Variants in SULT4A1 observed in about 807,000 individuals in gnomAD.
The protein encoded by SULT4A1 is sulfotransferase 4A1.
In SULT4A1, 11 loss-of-function variants were observed where a neutral mutation model predicts 35.2. The ratio of observed to expected loss-of-function variants is 0.31; its 90% CI spans 0.20 to 0.52. SULT4A1 has a LOEUF of 0.52. SULT4A1 is among the 20% of genes least tolerant of loss of function. SULT4A1 has a pLI of 0.97. For synonymous variants in SULT4A1, 152 were observed against 151.8 expected (o/e 1.00, Z -0.01); for missense variants, 271 against 383.7 (o/e 0.71, Z 2.45).
chr22:43,840,104 C>A, intron 2 of SULT4A1, 79 bp from the exon 3 acceptor site: 1 of 1,095,104 alleles, frequency 9.1e-7, no homozygotes, highest in Non-Finnish European at 1.3e-6. Flanking sequence ...GGGAAGGGGG[C>A]CAGAGGAGGA....
intron 6 of SULT4A1, chr22:43,827,576 A>G (rs767511321): frequency 1.7e-5 from 23 of 1,366,214 alleles, no homozygotes; most frequent in Non-Finnish European, 2.2e-5. Context: ...TAAGCAATGC[A>G]GCTGGCTACT....
At chr22:43,858,209 C>T (rs537430790) in intron 1 of SULT4A1, among the ~76,000 whole-genome samples, 15 of 152,012 alleles carry the variant, frequency 9.9e-5, no homozygotes, top group Non-Finnish European at 1.6e-4. Flanking sequence ...AATCCCAGGA[C>T]TTTGGGAGGC....
In SULT4A1 at chr22:43,839,363, G is replaced by A. The variant is rs1426871043; in HGVS notation, c.382-370C>T. Among the ~76,000 whole-genome samples, 6 of 152,346 alleles carry A rather than the reference G, an allele frequency of 3.9e-5. No homozygotes were observed. The East Asian group carries it at 1.2e-3, about 29-fold the overall frequency. ...AATCCCAGCACTTTGGGAGGCCGAG[G>A]TGGGTAGATCACCTGAGGTCAGTAG... On this transcript the variant is annotated intron_variant, in intron 3 of 6. Coordinates refer to ENST00000330884, the MANE Select transcript of SULT4A1 (RefSeq NM_014351.4).
chr22:43,861,948 T>C (rs1040245589), intron 1 of SULT4A1, among the ~76,000 whole-genome samples: 5 of 152,104 alleles, frequency 3.3e-5, no homozygotes, highest in Non-Finnish European at 4.4e-5. Context: ...GCCGGCCAAA[T>C]AGGCTCCATC....
rs142321645 is a variant in SULT4A1 at position 43,826,100 on chromosome 22, C to G, written c.756G>C (p.Leu252=). 2 of 1,614,022 alleles carry G rather than the reference C, an allele frequency of 1.2e-6. No individual in the cohort carries two copies. The highest frequency in any genetic ancestry group is 1.3e-5 in the African/African-American group (1 of 74,932). ...TGGAGACGGTGAAGATGTCCTTCCA[C>G]AGCCCAACTCTTCCTGAAACGCAAA... is the stretch of plus-strand genomic sequence containing the variant. ...ALPVGRGRVG[L]WKDIFTVSMN... is the part of the protein sequence containing the mutation. Residue 252 remains leucine (L), a synonymous_variant, in exon 7 of 7, where the codon CTG becomes CTC. Coordinates refer to ENST00000330884, the MANE Select transcript of SULT4A1 (RefSeq NM_014351.4).
intron 1 of SULT4A1, among the ~76,000 whole-genome samples, chr22:43,858,988 C>T (rs1340603106): frequency 1.3e-5 from 2 of 152,190 alleles, no homozygotes; most frequent in Non-Finnish European, 2.9e-5. Flanking sequence ...ATTTACCTGA[C>T]CCTGAGAACA....
intron 4 of SULT4A1, among the ~76,000 whole-genome samples, chr22:43,834,213 C>T (rs555609614): frequency 3.0e-4 from 46 of 152,096 alleles, no homozygotes; most frequent in African/African-American, 1.1e-3. Context: ...CTCCATGGGA[C>T]CTGAAAGCTG....
intron 4 of SULT4A1, among the ~76,000 whole-genome samples, chr22:43,837,589 AC>A (rs1461883088): frequency 6.6e-6 from 1 of 152,038 alleles, no homozygotes; most frequent in Non-Finnish European, 1.5e-5. Context: ...GGGGCCTCCT[AC>A]CCCTTGCAGG....
At chr22:43,862,044 A>G (rs1264828179) in intron 1 of SULT4A1, among the ~76,000 whole-genome samples, 170 bp downstream of exon 1, 2 of 59,322 alleles carry the variant, frequency 3.4e-5, no homozygotes, top group Non-Finnish European at 7.8e-5. Flanking sequence ...ACCCCACCCC[A>G]CCCCGCCCCG....
chr22:43,849,391 G>A (rs138088), intron 1 of SULT4A1, among the ~76,000 whole-genome samples: 35,445 of 152,054 alleles, frequency 0.23, 4,324 homozygotes, highest in African/African-American at 0.31. Context: ...TTACATCCCC[G>A]TTTTCCCGCT....
chr22:43,849,377 C>T (rs895830718), intron 1 of SULT4A1, among the ~76,000 whole-genome samples: 6 of 152,236 alleles, frequency 3.9e-5, no homozygotes, highest in African/African-American at 1.4e-4. Context: ...CCCAAAGTGA[C>T]AGCTTACATC....
chr22:43,850,147 G>A (rs761986625), intron 1 of SULT4A1, among the ~76,000 whole-genome samples: 44 of 152,154 alleles, frequency 2.9e-4, no homozygotes, highest in Non-Finnish European at 2.5e-4. Flanking sequence ...AAAGACCCAC[G>A]GTTCTCTCCT....
intron 1 of SULT4A1, among the ~76,000 whole-genome samples, chr22:43,855,024 C>A (rs1278097044): frequency 6.6e-6 from 1 of 152,194 alleles, no homozygotes; most frequent in Non-Finnish European, 1.5e-5. Context: ...TATGTGGGTT[C>A]CTCATCTGGA....
At chr22:43,852,348 G>GTT (rs3994809) in intron 1 of SULT4A1, among the ~76,000 whole-genome samples, 8,169 of 147,872 alleles carry the variant, frequency 0.055, 280 homozygotes, top group Non-Finnish European at 0.087. Context: ...TTTTTTTGTT[G>GTT]TTTTTTTTTT....
intron 5 of SULT4A1, among the ~76,000 whole-genome samples, chr22:43,832,294 G>A (rs1244943301): frequency 6.6e-6 from 1 of 152,130 alleles, no homozygotes; most frequent in Non-Finnish European, 1.5e-5. Flanking sequence ...CCCAGCAGTC[G>A]GCTCCATGGC....
intron 5 of SULT4A1, among the ~76,000 whole-genome samples, chr22:43,829,445 A>G (rs2063310090): frequency 6.6e-6 from 1 of 152,248 alleles, no homozygotes; most frequent in South Asian, 2.1e-4. Flanking sequence ...GGTTGCAGAC[A>G]TGAGGTCTTA....
chr22:43,860,716 A>T (rs2049456854), intron 1 of SULT4A1, among the ~76,000 whole-genome samples: 1 of 152,200 alleles, frequency 6.6e-6, no homozygotes, highest in Non-Finnish European at 1.5e-5. Context: ...GTCCACTTGG[A>T]GGGGCCTCAG....
At chr22:43,841,409 G>C (rs1447854025) in intron 2 of SULT4A1, among the ~76,000 whole-genome samples, 1 of 152,168 alleles carries the variant, frequency 6.6e-6, no homozygotes, top group East Asian at 1.9e-4. Context: ...GAGGGGTGCG[G>C]GGAGCAGGGC....
chr22:43,855,494 G>T (rs2049392174), intron 1 of SULT4A1, among the ~76,000 whole-genome samples: 1 of 152,120 alleles, frequency 6.6e-6, no homozygotes. Flanking sequence ...CCAAGCCAGG[G>T]CCTCTGGCTC....
Sources: gnomAD v4.1 joint callset for allele counts (sites outside exome capture counted in the v4.1 genomes callset) on GRCh38, gnomAD v4.1.1 for gene constraint, MANE v1.5 for transcripts, NCBI Gene and HGNC (gene_info 2026-07-23, HGNC 2026-07-21) for gene names.